The following IL1RAP variants were observed in gnomAD, a reference collection of about 807,000 sequenced individuals.
The protein encoded by IL1RAP is interleukin 1 receptor accessory protein, also known as interleukin-1 receptor accessory protein.
Under a neutral mutation model 60.7 loss-of-function variants are expected in IL1RAP, and 35 were observed. That is an observed-to-expected ratio of 0.58 (90% CI 0.44 to 0.76). The LOEUF is 0.76. Ranked by LOEUF, IL1RAP falls within the 30% of genes least tolerant of loss-of-function variation. The probability of loss-of-function intolerance (pLI) is 0.00; values close to 1 mark genes in which losing one functional copy is unlikely to be tolerated. For synonymous variants in IL1RAP, 268 were observed against 250.9 expected, an observed-to-expected ratio of 1.07 and a Z score of -0.64; for missense variants, 572 against 693.9, an observed-to-expected ratio of 0.82 and a Z score of 1.97.
intron 2 of IL1RAP, among the ~76,000 whole-genome samples, chr3:190,560,700 G>T (rs3773987): frequency 0.022 from 3,423 of 152,258 alleles, 60 homozygotes; most frequent in Middle Eastern, 0.061. Flanking sequence ...TCACCTGCGG[G>T]CTAGGTGAGA....
chr3:190,653,336 T>C (rs1259390991), downstream of IL1RAP, among the ~76,000 whole-genome samples: 1 of 152,226 alleles, frequency 6.6e-6, no homozygotes, highest in African/African-American at 2.4e-5. Flanking sequence ...ATCTAATTTG[T>C]TTATCAGCCC....
At chr3:190,564,197 T>G in intron 2 of IL1RAP, 92 bp from the exon 3 acceptor site, 1 of 811,662 alleles carries the variant, frequency 1.2e-6, no homozygotes, top group South Asian at 1.4e-5. Context: ...CAGTCCCTAG[T>G]CTATAGTCAG....
At chr3:190,568,368 C>T (rs967810949) in intron 3 of IL1RAP, among the ~76,000 whole-genome samples, 14 of 152,156 alleles carry the variant, frequency 9.2e-5, no homozygotes, top group African/African-American at 3.4e-4. Flanking sequence ...GCTGCCTTGA[C>T]TCCAGAAACA....
At chr3:190,549,234 C>T (rs891496071) in intron 1 of IL1RAP, among the ~76,000 whole-genome samples, 1 of 152,142 alleles carries the variant, frequency 6.6e-6, no homozygotes, top group Non-Finnish European at 1.5e-5. Context: ...CGGTGTGAAC[C>T]TCTGTAGCTC....
intron 1 of IL1RAP, among the ~76,000 whole-genome samples, chr3:190,543,309 G>A (rs902626369): frequency 1.3e-5 from 2 of 152,076 alleles, no homozygotes; most frequent in African/African-American, 4.8e-5. Context: ...TTGAGAAACA[G>A]CCTGTAGAAT....
intron 3 of IL1RAP, among the ~76,000 whole-genome samples, chr3:190,599,480 GT>G (rs1577694780): frequency 6.8e-6 from 1 of 147,562 alleles, no homozygotes; most frequent in African/African-American, 2.5e-5. Flanking sequence ...CTAATATTTC[GT>G]AAAGTGACTT....
chr3:190,577,724 G>A (rs892009638), intron 3 of IL1RAP, among the ~76,000 whole-genome samples: 4 of 151,976 alleles, frequency 2.6e-5, no homozygotes, highest in African/African-American at 9.7e-5. Flanking sequence ...TGGAGATGGG[G>A]TCTCGCTATG....
chr3:190,607,573 C>T (rs1240207848), intron 4 of IL1RAP, among the ~76,000 whole-genome samples: 2 of 150,516 alleles, frequency 1.3e-5, no homozygotes, highest in Non-Finnish European at 2.9e-5. Context: ...AATGACAGAT[C>T]AAATTTAGAT....
At chr3:190,576,918 G>A (rs1281243684) in intron 3 of IL1RAP, among the ~76,000 whole-genome samples, 2 of 151,530 alleles carry the variant, frequency 1.3e-5, no homozygotes, top group African/African-American at 2.4e-5. Flanking sequence ...TCGAGAGCAC[G>A]GTGAAACCCC....
In IL1RAP at chr3:190,648,897, A is replaced by G; in HGVS notation, c.*192A>G. ...CAACACTAAAGTTTAGAAAGATATC[A>G]TCAACGTTCTGTCACCAGTCTCTGA... On this transcript the variant is annotated 3_prime_UTR_variant, in exon 12 of 12. Coordinates refer to ENST00000447382, the MANE Select transcript of IL1RAP (RefSeq NM_002182.4). The G allele has an allele frequency of 1.5e-6, 2 of 1,376,040 alleles. No individual in the cohort carries two copies. The highest frequency in any genetic ancestry group is 1.8e-5 in the South Asian group (1 of 55,652). The allele number at this position is 1,376,040 out of a possible 1,614,324, so 85.2% of individuals were successfully genotyped here.
chr3:190,633,651 A>G (rs952936022), intron 9 of IL1RAP, among the ~76,000 whole-genome samples: 1 of 152,144 alleles, frequency 6.6e-6, no homozygotes, highest in Non-Finnish European at 1.5e-5. Flanking sequence ...GTGAGCCACC[A>G]TGCCCGGCCT....
intron 11 of IL1RAP, among the ~76,000 whole-genome samples, chr3:190,648,000 A>T (rs1360534865): frequency 6.6e-6 from 1 of 152,196 alleles, no homozygotes; most frequent in Admixed American, 6.5e-5. Context: ...CACACACTTT[A>T]AAGAAACTGC....
Position 190,572,859 on chromosome 3 carries a change from G to GTTTTTTTTTTTTTTTTTTTTTTTTT in IL1RAP, c.64+8528_64+8529insTTTTTTTTTTTTTTTTTTTTTTTTT, listed in dbSNP as rs1200775636. ...TCAGCATGTCCAGGGTTAATGCTTT[G>GTTTTTTTTTTTTTTTTTTTTTTTTT]TTTTTTTTTTTTTTTTTTTTTTGAG... On this transcript the variant is annotated intron_variant, in intron 3 of 11. Transcript: ENST00000447382. Among the ~76,000 whole-genome samples, 2 of 39,052 alleles carry GTTTTTTTTTTTTTTTTTTTTTTTTT rather than the reference G, an allele frequency of 5.1e-5. 1 individual carries two copies. The highest frequency in any genetic ancestry group is 2.4e-4 in the African/African-American group (2 of 8,272). 25.6% of individuals were successfully genotyped at this position (39,052 alleles called of 152,430 possible). A position where few individuals can be genotyped will look rare whatever the true frequency, so the allele number is the denominator to read the frequency against.
rs1734181431 is a variant in IL1RAP at position 190,648,320 on chromosome 3, G to A, written c.1346-18G>A. 3.2e-6 allele frequency: 5 copies of A among 1,559,346 alleles called. No homozygotes were observed. The highest frequency in any genetic ancestry group is 4.3e-6 in the Non-Finnish European group (5 of 1,160,264). The stretch of plus-strand genomic sequence containing the variant: ...GTTTTTGGCCAACACTAATCCCCAT[G>A]GTTGTTTTCTTTCCCAGTTGTCACA... On this transcript the variant is annotated intron_variant, in intron 11 of 11. Transcript: ENST00000447382.
intron 3 of IL1RAP, 108 bp downstream of exon 3, chr3:190,564,461 A>G: frequency 1.3e-6 from 1 of 769,396 alleles, no homozygotes; most frequent in South Asian, 1.4e-5. Flanking sequence ...ATTCATGTCC[A>G]TTGTCTTCTG....
intron 3 of IL1RAP, among the ~76,000 whole-genome samples, chr3:190,570,858 T>C (rs1216543070): frequency 1.3e-5 from 2 of 152,172 alleles, no homozygotes; most frequent in African/African-American, 4.8e-5. Context: ...CTTTCATATT[T>C]TTTTTAAAGT....
chr3:190,587,262 C>T (rs1728544275), intron 3 of IL1RAP, among the ~76,000 whole-genome samples: 1 of 152,196 alleles, frequency 6.6e-6, no homozygotes, highest in Non-Finnish European at 1.5e-5. Flanking sequence ...CTCCTACTGA[C>T]TTGCTGTGTA....
chr3:190,608,450 G>A (rs1483908497), intron 4 of IL1RAP, among the ~76,000 whole-genome samples: 2 of 152,184 alleles, frequency 1.3e-5, no homozygotes, highest in African/African-American at 4.8e-5. Flanking sequence ...GATAGAGCTT[G>A]TAGGACTGGA....
Position 190,650,332 on chromosome 3 carries a change from C to T in IL1RAP, c.*1627C>T. ...CTAGGTTGCAGTGGCATCTGCTGTG[C>T]ACAGAGCTTCCATGGTCACTGCTAA... On this transcript the variant is annotated 3_prime_UTR_variant, in exon 12 of 12. Transcript: ENST00000447382. 2.0e-6 allele frequency: 2 copies of T among 985,242 alleles called. No homozygotes were observed. The highest frequency in any genetic ancestry group is 2.4e-6 in the Non-Finnish European group (2 of 829,804). 61.0% of individuals were successfully genotyped at this position (985,242 alleles called of 1,614,324 possible). A position where few individuals can be genotyped will look rare whatever the true frequency, so the allele number is the denominator to read the frequency against.
Sources: allele counts gnomAD v4.1 joint callset (sites outside exome capture counted in the v4.1 genomes callset), GRCh38; gene constraint gnomAD v4.1.1; transcripts MANE v1.5; gene names NCBI Gene and HGNC (gene_info 2026-07-23, HGNC 2026-07-21).